Variants in STXBP5L observed in about 807,000 individuals in gnomAD.
STXBP5L encodes the protein syntaxin binding protein 5L, also known as syntaxin-binding protein 5-like.
Under a neutral mutation model 144.5 loss-of-function variants are expected in STXBP5L, and 65 were observed. That is an observed-to-expected ratio of 0.45 (90% confidence interval 0.37 to 0.55). The LOEUF is 0.55. Ranked by LOEUF, STXBP5L falls within the 20% of genes least tolerant of loss-of-function variation. STXBP5L has a pLI of 0.00. For synonymous variants in STXBP5L, 505 were observed against 469.6 expected (o/e 1.08, Z -0.97); for missense variants, 1,298 against 1,405.5 (o/e 0.92, Z 1.22).
intron 22 of STXBP5L, among the ~76,000 whole-genome samples, chr3:121,401,894 T>TA (rs71133532): frequency 0.088 from 12,150 of 137,480 alleles, 791 homozygotes; most frequent in African/African-American, 0.19. Context: ...TAGAGTATAA[T>TA]AAAAAAAAAA....
chr3:121,087,040 A>G (rs2042532596), intron 5 of STXBP5L, among the ~76,000 whole-genome samples: 2 of 152,058 alleles, frequency 1.3e-5, no homozygotes, highest in Non-Finnish European at 2.9e-5. Context: ...TTGTACTCAG[A>G]GAAAATATTT....
chr3:121,189,925 G>C (rs2047569031), intron 9 of STXBP5L, among the ~76,000 whole-genome samples: 4 of 151,966 alleles, frequency 2.6e-5, no homozygotes, highest in Admixed American at 2.6e-4. Flanking sequence ...CATTATTCCT[G>C]TTCCTCTCTT....
At chr3:120,961,257 T>G (rs1938767666) in intron 3 of STXBP5L, among the ~76,000 whole-genome samples, 1 of 151,314 alleles carries the variant, frequency 6.6e-6, no homozygotes, top group Non-Finnish European at 1.5e-5. Context: ...AGGCTATACT[T>G]TAGTCTTTCT....
chr3:120,966,853 A>T lies in STXBP5L; in HGVS notation c.287+11816A>T, dbSNP rs556235240. 2.0e-5 allele frequency among the ~76,000 whole-genome samples: 3 copies of T among 152,200 alleles called. No individual in the cohort carries two copies. In the East Asian group the frequency reaches 5.8e-4, roughly 29 times the overall value. ...TCAGAGCTATCAGACAGGGGCGTTTAAGTCTGCAGAAGTTGTCTGCTGCCT... is the reference window on the plus strand; with the variant it reads ...TCAGAGCTATCAGACAGGGGCGTTTTAGTCTGCAGAAGTTGTCTGCTGCCT... On this transcript the variant is annotated intron_variant, in intron 3 of 26. Coordinates refer to ENST00000471454, the MANE Select transcript of STXBP5L (RefSeq NM_001308330.2).
chr3:121,299,485 G>A (rs746479099), intron 19 of STXBP5L, among the ~76,000 whole-genome samples: 4 of 152,050 alleles, frequency 2.6e-5, no homozygotes, highest in African/African-American at 4.8e-5. Context: ...TCACATGATT[G>A]CTTTAACAAT....
At chr3:121,013,643 C>G (rs1245046276) in intron 3 of STXBP5L, among the ~76,000 whole-genome samples, 2 of 151,906 alleles carry the variant, frequency 1.3e-5, no homozygotes, top group Admixed American at 1.3e-4. Context: ...TTGATAGTTT[C>G]TTTTGCTGTA....
intron 2 of STXBP5L, among the ~76,000 whole-genome samples, chr3:120,913,820 G>A (rs1392713167): frequency 6.6e-6 from 1 of 152,022 alleles, no homozygotes; most frequent in Non-Finnish European, 1.5e-5. Context: ...TATCATCTAT[G>A]TATAGAATGG....
At chr3:121,342,453 C>A (rs1009843256) in intron 20 of STXBP5L, among the ~76,000 whole-genome samples, 3 of 151,118 alleles carry the variant, frequency 2.0e-5, no homozygotes, top group Non-Finnish European at 4.4e-5. Flanking sequence ...CCCATTAACT[C>A]GTCATTTAGC....
chr3:121,015,344 GT>G (rs1945068328), intron 3 of STXBP5L, among the ~76,000 whole-genome samples: 1 of 152,116 alleles, frequency 6.6e-6, no homozygotes, highest in African/African-American at 2.4e-5. Context: ...ACAATAAGAT[GT>G]TGATCAGTCT....
At chr3:121,351,467 C>A (rs956026492) in intron 20 of STXBP5L, among the ~76,000 whole-genome samples, 1 of 152,036 alleles carries the variant, frequency 6.6e-6, no homozygotes, top group Non-Finnish European at 1.5e-5. Context: ...GCTGGGAGAA[C>A]GACTACTCTC....
At chr3:121,321,841 C>T (rs535142087) in intron 20 of STXBP5L, among the ~76,000 whole-genome samples, 7 of 152,242 alleles carry the variant, frequency 4.6e-5, no homozygotes, top group Admixed American at 1.3e-4. Context: ...TGATATTCTC[C>T]TTTTAATATA....
chr3:121,181,066 C>T (rs2047127776), intron 9 of STXBP5L, among the ~76,000 whole-genome samples: 2 of 149,416 alleles, frequency 1.3e-5, no homozygotes, highest in African/African-American at 2.5e-5. Flanking sequence ...TGCCATTGCA[C>T]TCCAGCCTGG....
At chr3:121,256,953 T>G (rs970311298) in intron 16 of STXBP5L, among the ~76,000 whole-genome samples, 4 of 152,136 alleles carry the variant, frequency 2.6e-5, no homozygotes, top group Non-Finnish European at 2.9e-5. Flanking sequence ...CATTGAATAT[T>G]CCATATAATT....
intron 22 of STXBP5L, among the ~76,000 whole-genome samples, chr3:121,392,473 A>G (rs1009443642): frequency 3.3e-5 from 5 of 151,982 alleles, no homozygotes; most frequent in Non-Finnish European, 5.9e-5. Context: ...GAAATCACCC[A>G]TCTTCTGCAT....
At chr3:121,373,701 C>T (rs183444637) in intron 20 of STXBP5L, among the ~76,000 whole-genome samples, 48 of 152,242 alleles carry the variant, frequency 3.2e-4, no homozygotes, top group Admixed American at 2.7e-3. Flanking sequence ...AGCCTGCCTG[C>T]CCTACTATGG....
chr3:121,357,532 G>T (rs1190273073), intron 20 of STXBP5L: 9 of 152,336 alleles, frequency 5.9e-5, no homozygotes, highest in Non-Finnish European at 5.9e-5. Context: ...TCATAGCTTG[G>T]TGCCACTGGA....
At chr3:121,330,826 G>T (rs1481852201) in intron 20 of STXBP5L, among the ~76,000 whole-genome samples, 1 of 152,136 alleles carries the variant, frequency 6.6e-6, no homozygotes, top group Admixed American at 6.5e-5. Context: ...CACATGACCC[G>T]TTCATTACTA....
At chr3:121,082,818 T>C (rs560248182) in intron 5 of STXBP5L, among the ~76,000 whole-genome samples, 1 of 152,360 alleles carries the variant, frequency 6.6e-6, no homozygotes, top group African/African-American at 2.4e-5. Flanking sequence ...GATTTTTGAA[T>C]ATTGAGCTAG....
intron 3 of STXBP5L, among the ~76,000 whole-genome samples, chr3:121,028,481 A>G (rs1324725816): frequency 2.6e-5 from 4 of 152,118 alleles, no homozygotes; most frequent in African/African-American, 9.7e-5. Context: ...TAGTGATTAT[A>G]TGATATTCAA....
Sources: allele counts gnomAD v4.1 joint callset (sites outside exome capture counted in the v4.1 genomes callset), GRCh38; gene constraint gnomAD v4.1.1; transcripts MANE v1.5; gene names NCBI Gene and HGNC (gene_info 2026-07-23, HGNC 2026-07-21).